Variants in GLIS3 observed in about 807,000 individuals in gnomAD.
The protein encoded by GLIS3 is GLIS family zinc finger 3, also known as zinc finger protein GLIS3.
A neutral mutation model predicts 78.6 loss-of-function variants in GLIS3; 53 were observed. The ratio of observed to expected loss-of-function variants is 0.67; its 90% CI spans 0.54 to 0.85. GLIS3 has a LOEUF of 0.85. Among genes scored for constraint, GLIS3 ranks in the 40% least tolerant of loss-of-function variants. The probability of loss-of-function intolerance (pLI) is 0.00; values close to 1 mark genes in which losing one functional copy is unlikely to be tolerated. For synonymous variants in GLIS3, 684 were observed against 509.9 expected, an observed-to-expected ratio of 1.34 and a Z score of -4.60; for missense variants, 1,703 against 1,231.1, an observed-to-expected ratio of 1.38 and a Z score of -5.74.
intron 4 of GLIS3, among the ~76,000 whole-genome samples, chr9:4,013,117 T>C (rs1011022723): frequency 1.3e-5 from 2 of 152,144 alleles, no homozygotes; most frequent in Non-Finnish European, 2.9e-5. Flanking sequence ...TTCAGCTCTC[T>C]GTGACAGTGT....
At position 4,237,380 on chromosome 9, in the gene GLIS3, C is replaced by G. The variant is rs184498190; in HGVS notation, c.388+48658G>C. On this transcript the variant is annotated intron_variant, in intron 2 of 10. Transcript: ENST00000381971. ...AACTTTACATTAACTGGAAAAAAATCAGAATGTAGAATTAAGTCTATAATA... is the reference window on the plus strand; with the variant it reads ...AACTTTACATTAACTGGAAAAAAATGAGAATGTAGAATTAAGTCTATAATA... Among the ~76,000 whole-genome samples the G allele has an allele frequency of 2.0e-5, 3 of 152,076 alleles. No homozygotes were observed. In the East Asian group the frequency reaches 5.8e-4, roughly 29 times the overall value.
chr9:4,118,453 G>T lies in GLIS3; in HGVS notation c.1025C>A (p.Ser342Tyr), dbSNP rs777175866. 13 of 1,613,422 alleles carry T rather than the reference G, an allele frequency of 8.1e-6. No individual in the cohort carries two copies. Among genetic ancestry groups the T allele is most frequent in the Non-Finnish European group, 1.0e-5 (12 of 1,180,018 alleles). ...NGSRASPANL[S>Y]PQPEVYGHFL... is the part of the protein sequence containing the mutation. The stretch of plus-strand genomic sequence containing the variant: ...ATGCCCGTAGACCTCCGGCTGCGGG[G>T]ACAGGTTGGCCGGCGAAGCCCTCGA... Residue 342 changes from serine (S) to tyrosine (Y), a missense_variant, in exon 4 of 11, where the codon TCC (serine) becomes TAC (tyrosine). Transcript: ENST00000381971. The surrounding 1 kb of genome is among the most constrained non-coding windows in gnomAD (Gnocchi z 4.7).
chr9:4,039,272 C>T (rs1021354572), intron 4 of GLIS3, among the ~76,000 whole-genome samples: 1 of 152,070 alleles, frequency 6.6e-6, no homozygotes, highest in African/African-American at 2.4e-5. Context: ...GTGCCGAGGA[C>T]CAAAATTTGA....
At chr9:3,832,214 T>C (rs1017227499) in intron 9 of GLIS3, among the ~76,000 whole-genome samples, 2 of 149,254 alleles carry the variant, frequency 1.3e-5, no homozygotes, top group African/African-American at 4.9e-5. Context: ...ATATAATATA[T>C]AATTTAATAA....
chr9:4,338,609 C>T (rs543373540), intron 2 of GLIS3, among the ~76,000 whole-genome samples: 1 of 152,298 alleles, frequency 6.6e-6, no homozygotes, highest in South Asian at 2.1e-4. Context: ...ATCTAAAGGG[C>T]ATGTGACTTG....
chr9:3,893,448 T>G lies in GLIS3; in HGVS notation c.2128+5243A>C, dbSNP rs1386047286. ...GCTGGGAATCAGAGTCTTCATTTTC[T>G]TCAGCTGAGTGGTTATAAGATCTCA... On this transcript the variant is annotated intron_variant, in intron 7 of 10. Transcript: ENST00000381971. 2.6e-5 allele frequency among the ~76,000 whole-genome samples: 4 copies of G among 152,336 alleles called. No homozygotes were observed. The East Asian group carries it at 7.7e-4, about 29-fold the overall frequency.
At chr9:4,073,333 G>A (rs1827774546) in intron 4 of GLIS3, among the ~76,000 whole-genome samples, 1 of 152,192 alleles carries the variant, frequency 6.6e-6, no homozygotes, top group Non-Finnish European at 1.5e-5. Context: ...GGGATTTGCT[G>A]TATCTTCCAA....
At chr9:3,871,645 C>A (rs1327113264) in intron 8 of GLIS3, among the ~76,000 whole-genome samples, 2 of 152,184 alleles carry the variant, frequency 1.3e-5, no homozygotes, top group Non-Finnish European at 2.9e-5. Context: ...TCAGCCATTG[C>A]TTGAGTGGCT....
At chr9:4,184,836 T>A (rs541403834) in intron 2 of GLIS3, among the ~76,000 whole-genome samples, 24 of 152,248 alleles carry the variant, frequency 1.6e-4, no homozygotes, top group African/African-American at 5.1e-4. Context: ...AGGTTGTGCA[T>A]CTGTCAACAT....
At chr9:4,203,590 A>T (rs1819595992) in intron 2 of GLIS3, among the ~76,000 whole-genome samples, 1 of 152,256 alleles carries the variant, frequency 6.6e-6, no homozygotes, top group Non-Finnish European at 1.5e-5. Flanking sequence ...CCACAATCCC[A>T]TTACTGGATC....
At chr9:4,395,139 G>A in the GLIS3 span, among the ~76,000 whole-genome samples, 2 of 152,178 alleles carry the variant, frequency 1.3e-5, no homozygotes, top group South Asian at 4.1e-4. Context: ...AGGGTTTTAT[G>A]CAGACCATGT....
chr9:4,293,289 G>C (rs1177715616), intron 1 of GLIS3, among the ~76,000 whole-genome samples: 1 of 152,056 alleles, frequency 6.6e-6, no homozygotes, highest in Admixed American at 6.5e-5. Flanking sequence ...AAATATTCAG[G>C]CATCTTATTG....
At chr9:4,225,279 G>A (rs1286891928) in intron 2 of GLIS3, among the ~76,000 whole-genome samples, 1 of 152,094 alleles carries the variant, frequency 6.6e-6, no homozygotes, top group Admixed American at 6.6e-5. Flanking sequence ...TAGGACCTGT[G>A]ACTCAAATGT....
chr9:4,195,651 G>C (rs779286040), intron 2 of GLIS3, among the ~76,000 whole-genome samples: 15 of 152,256 alleles, frequency 9.9e-5, no homozygotes, highest in Non-Finnish European at 1.3e-4. Flanking sequence ...TGGTCCCATC[G>C]ACCGCCCAAG....
Position 4,260,189 on chromosome 9 carries a change from T to G in GLIS3, c.388+25849A>C, listed in dbSNP as rs142928076. On this transcript the variant is annotated intron_variant, in intron 2 of 10. Transcript: ENST00000381971. ...CCCGATGGCCTGTAATCTTAGCACT[T>G]TGGGAGGCCGAGGCAGGCGGATCAC... Among the ~76,000 whole-genome samples, 364 of 152,302 alleles carry G rather than the reference T, an allele frequency of 2.4e-3. 1 individual carries two copies. Among genetic ancestry groups the G allele is most frequent in the African/African-American group, 8.3e-3 (345 of 41,572 alleles).
intron 2 of GLIS3, among the ~76,000 whole-genome samples, chr9:4,157,506 T>C (rs1241731266): frequency 6.6e-6 from 1 of 152,178 alleles, no homozygotes; most frequent in Non-Finnish European, 1.5e-5. Flanking sequence ...AAGATGCATA[T>C]TTTTAGTACC....
At chr9:4,351,949 TAA>T (rs1817977304), upstream of GLIS3, among the ~76,000 whole-genome samples, 1 of 152,208 alleles carries the variant, frequency 6.6e-6, no homozygotes, top group South Asian at 2.1e-4. Context: ...ATTTTGGATC[TAA>T]AGAGTTTGAT....
At chr9:4,200,751 C>G (rs1325034983) in intron 2 of GLIS3, among the ~76,000 whole-genome samples, 1 of 152,140 alleles carries the variant, frequency 6.6e-6, no homozygotes, top group Non-Finnish European at 1.5e-5. Flanking sequence ...CAAATTCTAC[C>G]AGACATACAA....
chr9:4,007,138 C>G (rs1252497985), intron 4 of GLIS3, among the ~76,000 whole-genome samples: 1 of 152,222 alleles, frequency 6.6e-6, no homozygotes, highest in Non-Finnish European at 1.5e-5. Context: ...AGGATACCCA[C>G]TGCACATCCA....
Sources: gnomAD v4.1 joint callset for allele counts (sites outside exome capture counted in the v4.1 genomes callset) on GRCh38, gnomAD v4.1.1 for gene constraint, Gnocchi (gnomAD v3.1) non-coding constraint, MANE v1.5 for transcripts, NCBI Gene and HGNC (gene_info 2026-07-23, HGNC 2026-07-21) for gene names.